Variants in DOK7 observed in about 807,000 individuals in gnomAD.
The protein encoded by DOK7 is protein Dok-7.
A neutral mutation model predicts 30.7 loss-of-function variants in DOK7; 32 were observed. The ratio of observed to expected loss-of-function variants is 1.04; its 90% CI spans 0.79 to 1.40. DOK7 has a LOEUF of 1.40. DOK7 is among the 40% of genes most tolerant of loss of function. The pLI, the probability that DOK7 is intolerant of heterozygous loss-of-function variation, is 0.00. For synonymous variants in DOK7, 447 were observed against 324.1 expected, an observed-to-expected ratio of 1.38 and a Z score of -4.07; for missense variants, 1,007 against 699.2, an observed-to-expected ratio of 1.44 and a Z score of -4.97.
Position 3,493,026 on chromosome 4 carries a change from C to G in DOK7, c.1040C>G (p.Ser347Cys). The G allele has an allele frequency of 6.4e-7, 1 of 1,570,104 alleles. No individual in the cohort carries two copies. Among genetic ancestry groups the G allele is most frequent in the East Asian group, 2.3e-5 (1 of 43,136 alleles). The change falls in exon 7 of 7, where the codon TCT becomes TGT. Residue 347 changes from serine (S) to cysteine (C), a missense_variant. Ser to Cys is a moderately radical substitution (Grantham distance 112). Transcript: ENST00000340083. ...GGCATCGCCACTGGCAGCCACTCCT[C>G]TTACTCCAGCAGCCTCTCGTCCTAC... ...DSGIATGSHS[S>C]YSSSLSSYAG...
chr4:3,467,449 A>ACC (rs796674033), intron 2 of DOK7, among the ~76,000 whole-genome samples: 92 of 78,304 alleles, frequency 1.2e-3, no homozygotes, highest in East Asian at 2.1e-3. Context: ...TCCAGGGAAG[A>ACC]CCCCCCCCCC....
intron 6 of DOK7, among the ~76,000 whole-genome samples, chr4:3,491,029 C>CT (rs1470097347): frequency 1.0e-5 from 1 of 97,052 alleles, no homozygotes; most frequent in African/African-American, 4.0e-5. Context: ...TCATTCCTTC[C>CT]TTCCCCCCCA....
intron 3 of DOK7, among the ~76,000 whole-genome samples, chr4:3,475,657 C>T (rs1296756722): frequency 6.6e-6 from 1 of 152,142 alleles, no homozygotes; most frequent in Admixed American, 6.5e-5. Flanking sequence ...GTTCCCGTGG[C>T]CAGGCTGGGG....
At chr4:3,492,691 G>A (rs1420147910) in intron 6 of DOK7, 68 bp from the exon 7 acceptor site, 4 of 1,597,642 alleles carry the variant, frequency 2.5e-6, no homozygotes, top group South Asian at 1.1e-5. Flanking sequence ...GGGTCCACCA[G>A]GCATCAGCCA....
chr4:3,484,837 T>G lies in DOK7; in HGVS notation c.533-702T>G, dbSNP rs577771403. On this transcript the variant is annotated intron_variant, in intron 4 of 6. Transcript: ENST00000340083. ...CCAGCAGTGACGGCTGCAGCATGTG[T>G]GGGCAGGTGCCGTGCCACACCTTTT... 6.1e-6 allele frequency: 6 copies of G among 985,464 alleles called. No individual in the cohort carries two copies. The East Asian group carries it at 4.5e-4, about 74-fold the overall frequency. 61.0% of individuals were successfully genotyped at this position (985,464 alleles called of 1,614,324 possible).
intron 3 of DOK7, 69 bp from the exon 4 acceptor site, chr4:3,476,259 CGTGATGCCCTCTCA>C: frequency 1.0e-6 from 1 of 991,462 alleles, no homozygotes; most frequent in South Asian, 1.6e-5. Flanking sequence ...CCCACCCGCC[CGTGATGCCCTCTCA>C]CCCCACCCGC....
chr4:3,470,263 C>T (rs919212927), intron 2 of DOK7, among the ~76,000 whole-genome samples: 3 of 152,218 alleles, frequency 2.0e-5, no homozygotes, highest in Non-Finnish European at 2.9e-5. Context: ...CTTGCTGCTG[C>T]GTTCAGACAA....
rs1560236729 is a variant in DOK7 at position 3,494,414 on chromosome 4, T to G, written c.*913T>G. ...CTCCCTGTGAACACCTCTTTGTCCCTTCACTGTCAGCTGTTTCTAAACCCA... is the reference window on the plus strand; with the variant it reads ...CTCCCTGTGAACACCTCTTTGTCCCGTCACTGTCAGCTGTTTCTAAACCCA... On this transcript the variant is annotated 3_prime_UTR_variant, in exon 7 of 7. Transcript: ENST00000340083. The G allele has an allele frequency of 1.0e-6, 1 of 985,814 alleles. No homozygotes were observed. Among genetic ancestry groups the G allele is most frequent in the East Asian group, 1.1e-4 (1 of 8,822 alleles). The allele number at this position is 985,814 out of a possible 1,614,324, so 61.1% of individuals were successfully genotyped here. A position where few individuals can be genotyped will look rare whatever the true frequency, so the allele number is the denominator to read the frequency against.
intron 2 of DOK7, among the ~76,000 whole-genome samples, chr4:3,465,729 G>C (rs910141424): frequency 5.9e-5 from 9 of 152,234 alleles, no homozygotes; most frequent in South Asian, 4.1e-4. Context: ...CCTCGGTGTG[G>C]GACTGCAGGG....
At chr4:3,469,062 T>G (rs1726569369) in intron 2 of DOK7, among the ~76,000 whole-genome samples, 1 of 89,130 alleles carries the variant, frequency 1.1e-5, no homozygotes, top group South Asian at 3.6e-4. Flanking sequence ...GTGTGTGCAT[T>G]AGTGTGTGTG....
chr4:3,467,578 A>G (rs1427898937), intron 2 of DOK7, among the ~76,000 whole-genome samples: 2 of 150,880 alleles, frequency 1.3e-5, no homozygotes, highest in African/African-American at 4.9e-5. Flanking sequence ...TGTGTGTGTG[A>G]GGATGTACAT....
intron 4 of DOK7, among the ~76,000 whole-genome samples, chr4:3,483,908 G>T (rs1253850837): frequency 6.6e-6 from 1 of 152,208 alleles, no homozygotes; most frequent in African/African-American, 2.4e-5. Flanking sequence ...CCCAGCTTGG[G>T]GGCCCCACCC....
chr4:3,496,921 G>T, downstream of DOK7: 1 of 1,356,788 alleles, frequency 7.4e-7, no homozygotes, highest in South Asian at 1.3e-5. Flanking sequence ...AGTCTGGGTG[G>T]GCGCAGATGG....
At chr4:3,470,003 C>T (rs924378024) in intron 2 of DOK7, among the ~76,000 whole-genome samples, 26 of 152,182 alleles carry the variant, frequency 1.7e-4, no homozygotes, top group Admixed American at 1.2e-3. Flanking sequence ...CAGAAGAAAG[C>T]ACCACAGCTG....
intron 6 of DOK7, among the ~76,000 whole-genome samples, chr4:3,491,286 C>CA (rs1728405177): frequency 4.9e-5 from 3 of 61,746 alleles, no homozygotes; most frequent in Non-Finnish European, 6.5e-5. Context: ...TTCCTTCCTC[C>CA]GCCCCCCCGC....
rs368188578 is a variant in DOK7, at chr4:3,485,672, C to G, written c.652+14C>G. ...CGGTTCTACCAGGTGCGTGTGGGAG[C>G]CTGGCCGGCCGGGGAGGGTGCGCTC... is the stretch of plus-strand genomic sequence containing the variant. On this transcript the variant is annotated intron_variant, in intron 5 of 6. Coordinates refer to ENST00000340083, the MANE Select transcript of DOK7 (RefSeq NM_173660.5). The G allele has an allele frequency of 3.5e-5, 55 of 1,551,844 alleles. No homozygotes were observed. Among genetic ancestry groups the G allele is most frequent in the African/African-American group, 2.3e-4 (17 of 72,468 alleles).
downstream of DOK7, among the ~76,000 whole-genome samples, chr4:3,496,393 G>A (rs1020660649): frequency 7.9e-5 from 12 of 152,276 alleles, no homozygotes; most frequent in African/African-American, 2.9e-4. Flanking sequence ...GGACGGGAAA[G>A]GAAATCACAG....
At chr4:3,488,945 G>A (rs571074100) in intron 5 of DOK7, among the ~76,000 whole-genome samples, 13 of 152,366 alleles carry the variant, frequency 8.5e-5, no homozygotes, top group Admixed American at 3.3e-4. Flanking sequence ...CAGCATGGGC[G>A]GGGGCTTGGG....
chr4:3,469,343 T>C (rs1726612877), intron 2 of DOK7, among the ~76,000 whole-genome samples: 1 of 152,050 alleles, frequency 6.6e-6, no homozygotes, highest in Admixed American at 6.5e-5. Context: ...CAGTGCTGCC[T>C]GCCAGAGCCC....
Sources: gnomAD v4.1 joint callset for allele counts (sites outside exome capture counted in the v4.1 genomes callset) on GRCh38, gnomAD v4.1.1 for gene constraint, MANE v1.5 for transcripts, NCBI Gene and HGNC (gene_info 2026-07-23, HGNC 2026-07-21) for gene names.